GRIK2: variants seen among roughly 807,000 people sequenced by gnomAD.
The protein encoded by GRIK2 is glutamate receptor ionotropic, kainate 2.
GRIK2 carries 32 observed loss-of-function variants against 100.3 expected under a neutral mutation model. The observed-to-expected ratio is 0.32, with a 90% CI of 0.24 to 0.43. The LOEUF (loss-of-function observed/expected upper bound fraction) is 0.43, where lower values mean the gene tolerates loss of function less well. Among genes scored for constraint, GRIK2 ranks in the 20% least tolerant of loss-of-function variants. The pLI, the probability that GRIK2 is intolerant of heterozygous loss-of-function variation, is 1.00. For missense variants in GRIK2, 843 were observed against 1,114.9 expected (o/e 0.76, Z 3.47); for synonymous variants, 417 against 389.4 (o/e 1.07, Z -0.83).
intron 14 of GRIK2, among the ~76,000 whole-genome samples, chr6:101,984,886 A>G (rs1395619134): frequency 1.3e-5 from 2 of 151,772 alleles, no homozygotes; most frequent in African/African-American, 4.8e-5. Context: ...TTAAAATAAA[A>G]TAGTAATACA....
chr6:101,655,798 G>C (rs918049535), intron 4 of GRIK2, among the ~76,000 whole-genome samples: 1 of 152,026 alleles, frequency 6.6e-6, no homozygotes, highest in African/African-American at 2.4e-5. Flanking sequence ...GCATGGGAAG[G>C]GGTGCTAACT....
intron 10 of GRIK2, among the ~76,000 whole-genome samples, chr6:101,827,540 T>A (rs1177095122): frequency 1.3e-5 from 2 of 151,672 alleles, no homozygotes; most frequent in East Asian, 3.9e-4. Context: ...CCATTTCACA[T>A]GTAATGACAC....
intron 7 of GRIK2, among the ~76,000 whole-genome samples, chr6:101,736,518 C>T (rs562199916): frequency 6.6e-6 from 1 of 152,288 alleles, no homozygotes; most frequent in South Asian, 2.1e-4. Flanking sequence ...ATGGAAGCTG[C>T]CAAGGCTTGG....
intron 4 of GRIK2, among the ~76,000 whole-genome samples, chr6:101,659,506 C>A (rs539536870): frequency 2.0e-5 from 3 of 151,888 alleles, no homozygotes; most frequent in Admixed American, 1.3e-4. Context: ...AATTTGATCT[C>A]GTCATTATGA....
intron 14 of GRIK2, among the ~76,000 whole-genome samples, chr6:101,939,853 A>T (rs1322704547): frequency 6.6e-6 from 1 of 152,150 alleles, no homozygotes; most frequent in East Asian, 1.9e-4. Flanking sequence ...CAGAATGAAA[A>T]GTGGTGACAA....
chr6:101,663,281 T>G (rs1262709812), intron 4 of GRIK2, among the ~76,000 whole-genome samples: 1 of 152,120 alleles, frequency 6.6e-6, no homozygotes. Flanking sequence ...AAGTGGGGAT[T>G]AAAGAACAGC....
At chr6:101,955,476 G>T (rs745948674) in intron 14 of GRIK2, among the ~76,000 whole-genome samples, 1 of 151,856 alleles carries the variant, frequency 6.6e-6, no homozygotes, top group Non-Finnish European at 1.5e-5. Flanking sequence ...ACAAAGTGAG[G>T]TGAGTTCCCA....
chr6:101,506,500 A>G (rs1297650007), intron 2 of GRIK2, among the ~76,000 whole-genome samples: 1 of 152,148 alleles, frequency 6.6e-6, no homozygotes, highest in Non-Finnish European at 1.5e-5. Flanking sequence ...CAGAATTTTT[A>G]AACTTCTACT....
chr6:101,427,427 G>A (rs529716203), intron 2 of GRIK2, among the ~76,000 whole-genome samples: 3 of 152,200 alleles, frequency 2.0e-5, no homozygotes, highest in African/African-American at 7.2e-5. Context: ...AATATATTTA[G>A]TTACATATGG....
At chr6:101,924,943 A>G (rs1199821927) in intron 13 of GRIK2, among the ~76,000 whole-genome samples, 2 of 152,092 alleles carry the variant, frequency 1.3e-5, no homozygotes, top group Non-Finnish European at 2.9e-5. Flanking sequence ...ATACTCATCT[A>G]TTTTTTTCCT....
intron 2 of GRIK2, among the ~76,000 whole-genome samples, chr6:101,593,984 A>G (rs932267199): frequency 2.0e-5 from 3 of 151,906 alleles, no homozygotes; most frequent in African/African-American, 7.2e-5. Flanking sequence ...AAGAAATAAA[A>G]GCATATGTAA....
At chr6:101,861,452 C>T (rs901475729) in intron 11 of GRIK2, among the ~76,000 whole-genome samples, 3 of 152,130 alleles carry the variant, frequency 2.0e-5, no homozygotes, top group Non-Finnish European at 4.4e-5. Context: ...GGATCCTTTG[C>T]TGTCACAAAT....
At chr6:101,793,998 G>A (rs972571180) in intron 7 of GRIK2, among the ~76,000 whole-genome samples, 17 of 152,264 alleles carry the variant, frequency 1.1e-4, no homozygotes, top group South Asian at 1.0e-3. Flanking sequence ...CTCCATGGGC[G>A]TAGGACCCTC....
At chr6:101,813,962 C>CA (rs60375013) in intron 9 of GRIK2, among the ~76,000 whole-genome samples, 21,784 of 122,764 alleles carry the variant, frequency 0.18, 2,477 homozygotes, top group African/African-American at 0.37. Context: ...AGCTCCATCT[C>CA]AAAAAAAAAA....
intron 2 of GRIK2, among the ~76,000 whole-genome samples, chr6:101,462,470 T>A (rs1483542690): frequency 8.1e-6 from 1 of 123,014 alleles, no homozygotes; most frequent in Non-Finnish European, 1.7e-5. Flanking sequence ...GTCAAGATAC[T>A]ACTCTAAAAA....
At chr6:101,526,410 A>C (rs1232775189) in intron 2 of GRIK2, among the ~76,000 whole-genome samples, 1 of 152,174 alleles carries the variant, frequency 6.6e-6, no homozygotes, top group Non-Finnish European at 1.5e-5. Flanking sequence ...CTTATTTTTT[A>C]ATGTTAAACT....
At chr6:101,435,449 G>A (rs149634320) in intron 2 of GRIK2, among the ~76,000 whole-genome samples, 42 of 150,690 alleles carry the variant, frequency 2.8e-4, no homozygotes, top group African/African-American at 1.0e-3. Context: ...TTGGGGAATA[G>A]CAACCCCCTT....
intron 12 of GRIK2, among the ~76,000 whole-genome samples, chr6:101,905,613 C>G (rs1788165310): frequency 6.6e-6 from 1 of 151,388 alleles, no homozygotes; most frequent in Admixed American, 6.6e-5. Context: ...ATATTCCATC[C>G]TAAACATTAA....
At chr6:101,413,548 A>C (rs1160716259) in intron 2 of GRIK2, among the ~76,000 whole-genome samples, 1 of 152,154 alleles carries the variant, frequency 6.6e-6, no homozygotes, top group African/African-American at 2.4e-5. Context: ...ATAAAAATTT[A>C]TCTAAAACAT....
Sources: allele counts gnomAD v4.1 joint callset (sites outside exome capture counted in the v4.1 genomes callset), GRCh38; gene constraint gnomAD v4.1.1; transcripts MANE v1.5; gene names NCBI Gene and HGNC (gene_info 2026-07-23, HGNC 2026-07-21).